ULK4: variants seen among roughly 807,000 people sequenced by gnomAD.
ULK4 encodes unc-51 like kinase 4, also known as inactive serine/threonine-protein kinase ULK4.
A neutral mutation model predicts 160.6 loss-of-function variants in ULK4; 133 were observed. The ratio of observed to expected loss-of-function variants is 0.83; its 90% CI spans 0.72 to 0.96. The LOEUF is 0.96. Ranked by LOEUF, ULK4 falls within the 40% of genes least tolerant of loss-of-function variation. The pLI, the probability that ULK4 is intolerant of heterozygous loss-of-function variation, is 0.00. For synonymous variants in ULK4, 534 were observed against 539.8 expected (o/e 0.99, Z 0.15); for missense variants, 1,580 against 1,499.5 (o/e 1.05, Z -0.89).
chr3:41,736,573 T>C (rs530405915), intron 22 of ULK4, among the ~76,000 whole-genome samples: 51 of 152,052 alleles, frequency 3.4e-4, no homozygotes, highest in South Asian at 8.3e-4. Flanking sequence ...TTTGAGTTCA[T>C]TGTAGATTCT....
rs1018222614 is a variant in ULK4 at position 41,780,204 on chromosome 3, C to G, written c.2193+9457G>C. ...GGCACACACCTGTGGTCCCAGCCAC[C>G]CTGGAAGGTGGAAAGACAGCTTGAG... On this transcript the variant is annotated intron_variant, in intron 21 of 36. Coordinates refer to ENST00000301831, the MANE Select transcript of ULK4 (RefSeq NM_017886.4). Among the ~76,000 whole-genome samples the G allele has an allele frequency of 2.0e-5, 3 of 151,326 alleles. 1 individual carries two copies. The highest frequency in any genetic ancestry group is 2.0e-4 in the Admixed American group (3 of 15,206).
At chr3:41,304,865 G>A (rs2079873501) in intron 35 of ULK4, among the ~76,000 whole-genome samples, 2 of 152,224 alleles carry the variant, frequency 1.3e-5, no homozygotes, top group Admixed American at 1.3e-4. Flanking sequence ...CAGTCTGACA[G>A]GGAGAGCTGA....
Position 41,724,939 on chromosome 3 carries a change from T to C in ULK4, c.2322-7078A>G, listed in dbSNP as rs185279305. Among the ~76,000 whole-genome samples the C allele has an allele frequency of 5.6e-4, 86 of 152,300 alleles. 1 individual carries two copies. Among genetic ancestry groups the C allele is most frequent in the Non-Finnish European group, 7.3e-4 (50 of 68,028 alleles). ...TTGTAAACTGTTTGTCCAAGTCTTG[T>C]GCTCATTTTTCTATTGGGTTATCTG... is the stretch of plus-strand genomic sequence containing the variant. On this transcript the variant is annotated intron_variant, in intron 22 of 36. Transcript: ENST00000301831.
At chr3:41,431,692 C>T (rs2082913567) in intron 34 of ULK4, among the ~76,000 whole-genome samples, 1 of 151,452 alleles carries the variant, frequency 6.6e-6, no homozygotes, top group Admixed American at 6.6e-5. Context: ...CCCTATATTT[C>T]CTGCCAAACA....
intron 29 of ULK4, among the ~76,000 whole-genome samples, chr3:41,671,139 C>A (rs1279283295): frequency 6.6e-6 from 1 of 151,986 alleles, no homozygotes; most frequent in African/African-American, 2.4e-5. Flanking sequence ...AAATTAATAT[C>A]ATTAAAATGA....
At chr3:41,296,363 A>C (rs2079667675) in intron 35 of ULK4, among the ~76,000 whole-genome samples, 2 of 152,240 alleles carry the variant, frequency 1.3e-5, no homozygotes, top group African/African-American at 4.8e-5. Context: ...AAGGGTTGGA[A>C]GTAGAAACCC....
chr3:41,899,811 C>T (rs1698287952), intron 13 of ULK4, among the ~76,000 whole-genome samples: 1 of 152,120 alleles, frequency 6.6e-6, no homozygotes, highest in African/African-American at 2.4e-5. Context: ...CTCTGCCAGA[C>T]ATATGAACTC....
In ULK4 at chr3:41,764,523, T is replaced by C. The variant is rs78314995; in HGVS notation, c.2194-10035A>G. 2.5e-3 allele frequency among the ~76,000 whole-genome samples: 374 copies of C among 152,288 alleles called. 1 individual carries two copies. The highest frequency in any genetic ancestry group is 8.0e-3 in the African/African-American group (331 of 41,560). On this transcript the variant is annotated intron_variant, in intron 21 of 36. Coordinates refer to ENST00000301831, the MANE Select transcript of ULK4 (RefSeq NM_017886.4). ...ACTTTGGCAGGCCAAAGCAGGAGGA[T>C]TGTTCAAGACTATCCTGGGCAACAG...
At chr3:41,620,338 C>T (rs1277310360) in intron 30 of ULK4, among the ~76,000 whole-genome samples, 2 of 152,116 alleles carry the variant, frequency 1.3e-5, no homozygotes, top group East Asian at 1.9e-4. Context: ...GGTCAATATC[C>T]CTGATGAACA....
chr3:41,429,127 C>T (rs2082845353), intron 34 of ULK4, among the ~76,000 whole-genome samples: 1 of 151,770 alleles, frequency 6.6e-6, no homozygotes, highest in Admixed American at 6.6e-5. Context: ...GACATATATG[C>T]AGCCAACAAA....
At chr3:41,281,336 A>G (rs1316949268) in intron 35 of ULK4, among the ~76,000 whole-genome samples, 1 of 152,246 alleles carries the variant, frequency 6.6e-6, no homozygotes, top group East Asian at 1.9e-4. Flanking sequence ...AAAGCCTTGC[A>G]GAGACACACA....
At chr3:41,648,869 C>A in intron 30 of ULK4, among the ~76,000 whole-genome samples, 1 of 152,146 alleles carries the variant, frequency 6.6e-6, no homozygotes, top group Admixed American at 6.5e-5. Context: ...CATGGTGGCT[C>A]ACACCTATAA....
intron 22 of ULK4, among the ~76,000 whole-genome samples, chr3:41,748,687 A>C (rs530590693): frequency 3.9e-5 from 6 of 152,290 alleles, no homozygotes; most frequent in African/African-American, 1.2e-4. Flanking sequence ...AATCCTGTAA[A>C]TTATCACTCT....
intron 32 of ULK4, among the ~76,000 whole-genome samples, chr3:41,509,233 C>T (rs907912678): frequency 1.6e-4 from 24 of 151,670 alleles, no homozygotes; most frequent in East Asian, 1.4e-3. Context: ...TTTTAGAGCT[C>T]GAAAACAAGG....
intron 32 of ULK4, among the ~76,000 whole-genome samples, chr3:41,465,170 C>T (rs1243690796): frequency 6.6e-6 from 1 of 152,184 alleles, no homozygotes; most frequent in Non-Finnish European, 1.5e-5. Flanking sequence ...TTTCAGTGTT[C>T]TTCATAGCCA....
At chr3:41,449,511 T>A (rs186401055) in intron 34 of ULK4, among the ~76,000 whole-genome samples, 274 of 152,132 alleles carry the variant, frequency 1.8e-3, no homozygotes, top group Non-Finnish European at 2.7e-3. Flanking sequence ...ACTAATAAAA[T>A]CCCCAATCTC....
At chr3:41,619,616 G>C (rs112770720) in intron 30 of ULK4, among the ~76,000 whole-genome samples, 2 of 152,090 alleles carry the variant, frequency 1.3e-5, no homozygotes, top group Non-Finnish European at 2.9e-5. Context: ...AGCTAAAGCA[G>C]TGCTTACAGG....
chr3:41,462,380 C>T (rs1218074852), intron 33 of ULK4, among the ~76,000 whole-genome samples: 1 of 152,162 alleles, frequency 6.6e-6, no homozygotes, highest in Non-Finnish European at 1.5e-5. Flanking sequence ...AATAAATTCA[C>T]CTTGACCCTG....
intron 32 of ULK4, among the ~76,000 whole-genome samples, chr3:41,529,280 A>C (rs964705047): frequency 3.3e-5 from 5 of 152,234 alleles, no homozygotes; most frequent in Admixed American, 2.6e-4. Context: ...AAGTTGGAGC[A>C]AAACTCCTAA....
Sources: gnomAD v4.1 joint callset for allele counts (sites outside exome capture counted in the v4.1 genomes callset) on GRCh38, gnomAD v4.1.1 for gene constraint, MANE v1.5 for transcripts, NCBI Gene and HGNC (gene_info 2026-07-23, HGNC 2026-07-21) for gene names.